KALRN: variants seen among roughly 807,000 people sequenced by gnomAD.
KALRN encodes the protein kalirin RhoGEF kinase.
In KALRN, 70 loss-of-function variants were observed where a neutral mutation model predicts 353.7. The observed-to-expected ratio is 0.20, with a 90% CI of 0.16 to 0.24. The LOEUF (loss-of-function observed/expected upper bound fraction) is 0.24, where lower values mean the gene tolerates loss of function less well. Ranked by LOEUF, KALRN falls within the 10% of genes least tolerant of loss-of-function variation. The pLI is 1.00. For synonymous variants in KALRN, 1,391 were observed against 1,434.8 expected (o/e 0.97, Z 0.69); for missense variants, 2,791 against 3,756.7 (o/e 0.74, Z 6.72).
intron 1 of KALRN, among the ~76,000 whole-genome samples, chr3:124,170,379 A>G (rs574603993): frequency 1.3e-5 from 2 of 152,170 alleles, no homozygotes; most frequent in African/African-American, 4.8e-5. Flanking sequence ...TATGCATGCA[A>G]AATCCCAGTT....
intron 57 of KALRN, among the ~76,000 whole-genome samples, chr3:124,707,028 G>A (rs185522431): frequency 3.5e-4 from 53 of 152,106 alleles, no homozygotes; most frequent in African/African-American, 1.3e-3. Context: ...TTAAATAATA[G>A]AGATGAGAGT....
At chr3:124,356,481 C>T (rs1390877966) in intron 10 of KALRN, among the ~76,000 whole-genome samples, 2 of 151,702 alleles carry the variant, frequency 1.3e-5, no homozygotes, top group Non-Finnish European at 2.9e-5. Context: ...TTACAGGTGC[C>T]CGCCACCACA....
chr3:124,254,422 CAAAAAAAAAAAAAAA>C (rs35522040), intron 3 of KALRN, among the ~76,000 whole-genome samples: 1 of 121,262 alleles, frequency 8.2e-6, no homozygotes, highest in Admixed American at 7.8e-5. Flanking sequence ...ATCTATGAAG[CAAAAAAAAAAAAAAA>C]AAAAAAAAAA....
chr3:124,148,904 A>G (rs1205970458), intron 1 of KALRN, among the ~76,000 whole-genome samples: 5 of 152,178 alleles, frequency 3.3e-5, no homozygotes, highest in Admixed American at 6.5e-5. Context: ...AAAATCCATC[A>G]TTTTTTAGTT....
At chr3:124,209,621 A>T (rs1047650726) in intron 1 of KALRN, among the ~76,000 whole-genome samples, 4 of 152,084 alleles carry the variant, frequency 2.6e-5, no homozygotes, top group Non-Finnish European at 5.9e-5. Context: ...GAATTTGCCT[A>T]TGTGGTTTTA....
intron 1 of KALRN, among the ~76,000 whole-genome samples, chr3:124,105,812 A>C (rs1005931416): frequency 1.3e-5 from 2 of 152,204 alleles, no homozygotes; most frequent in African/African-American, 4.8e-5. Context: ...GGTTGGTGGG[A>C]CATTAGGGTC....
At chr3:124,178,594 G>A (rs1234890026) in intron 1 of KALRN, among the ~76,000 whole-genome samples, 1 of 152,142 alleles carries the variant, frequency 6.6e-6, no homozygotes, top group South Asian at 2.1e-4. Flanking sequence ...AAATATTCAT[G>A]TATCTAAACC....
intron 51 of KALRN, among the ~76,000 whole-genome samples, chr3:124,688,544 A>G (rs1412856196): frequency 6.6e-6 from 1 of 152,186 alleles, no homozygotes; most frequent in Admixed American, 6.5e-5. Flanking sequence ...GTGTAAAAGG[A>G]ATAGAAAAAG....
intron 1 of KALRN, among the ~76,000 whole-genome samples, chr3:124,086,300 G>C (rs562393158): frequency 7.4e-6 from 1 of 135,326 alleles, no homozygotes; most frequent in South Asian, 2.5e-4. Context: ...TACTAGGTTG[G>C]TTGTTTTGTT....
At chr3:124,585,029 A>T in intron 34 of KALRN, 1 of 1,198,358 alleles carries the variant, frequency 8.3e-7, no homozygotes. Flanking sequence ...GGGGCTGGGG[A>T]TCAGGAGGGC....
At chr3:124,703,751 C>T (rs2062459956) in intron 57 of KALRN, among the ~76,000 whole-genome samples, 1 of 152,180 alleles carries the variant, frequency 6.6e-6, no homozygotes, top group African/African-American at 2.4e-5. Flanking sequence ...TATCCTCCCA[C>T]GCTTGCGGGG....
At chr3:124,462,417 A>T in intron 24 of KALRN, 107 bp from the exon 25 acceptor site, 2 of 664,104 alleles carry the variant, frequency 3.0e-6, no homozygotes, top group South Asian at 3.6e-5. Flanking sequence ...CTCTGCACGC[A>T]TTTACAGTTT....
At chr3:124,087,901 G>A (rs2060907461) in intron 1 of KALRN, among the ~76,000 whole-genome samples, 1 of 152,162 alleles carries the variant, frequency 6.6e-6, no homozygotes, top group African/African-American at 2.4e-5. Context: ...CAGTTCAAGA[G>A]TCAAAATTCA....
chr3:124,601,339 GC>G (rs1426573988), intron 34 of KALRN, among the ~76,000 whole-genome samples: 1 of 152,200 alleles, frequency 6.6e-6, no homozygotes, highest in Non-Finnish European at 1.5e-5. Flanking sequence ...TAGGGTAATA[GC>G]TTTAAATGAG....
intron 6 of KALRN, among the ~76,000 whole-genome samples, chr3:124,322,750 C>T (rs1025533581): frequency 3.3e-5 from 5 of 152,176 alleles, no homozygotes; most frequent in African/African-American, 4.8e-5. Context: ...TCATTCTTTC[C>T]TTTTAAGTCA....
At chr3:124,679,897 C>A in intron 51 of KALRN, 2 of 299,064 alleles carry the variant, frequency 6.7e-6, no homozygotes, top group Non-Finnish European at 1.3e-5. Flanking sequence ...GGACTCATTT[C>A]GTGTTTAGTT....
chr3:124,463,379 A>ATTTACT (rs2060031799), intron 25 of KALRN, among the ~76,000 whole-genome samples: 1 of 152,250 alleles, frequency 6.6e-6, no homozygotes, highest in Non-Finnish European at 1.5e-5. Flanking sequence ...CCAGGCTAGC[A>ATTTACT]GAGGCATTTA....
chr3:124,266,731 G>C (rs2073599400), intron 4 of KALRN, among the ~76,000 whole-genome samples: 1 of 152,194 alleles, frequency 6.6e-6, no homozygotes, highest in African/African-American at 2.4e-5. Context: ...GACACTTGAT[G>C]CAGGCGATTC....
At chr3:124,430,880 T>A in intron 16 of KALRN, 105 bp downstream of exon 16, 1 of 1,359,482 alleles carries the variant, frequency 7.4e-7, no homozygotes, top group Non-Finnish European at 9.9e-7. Flanking sequence ...GCGAAGGCTG[T>A]ACCCCTTCTA....
Sources: allele counts gnomAD v4.1 joint callset (sites outside exome capture counted in the v4.1 genomes callset), GRCh38; gene constraint gnomAD v4.1.1; transcripts MANE v1.5; gene names NCBI Gene and HGNC (gene_info 2026-07-23, HGNC 2026-07-21).